Variants in BCL11B observed in about 807,000 individuals in gnomAD.
The protein encoded by BCL11B is B-cell lymphoma/leukemia 11B.
Under a neutral mutation model 49.9 loss-of-function variants are expected in BCL11B, and 8 were observed. That is an observed-to-expected ratio of 0.16 (90% CI 0.09 to 0.29). The LOEUF (loss-of-function observed/expected upper bound fraction) is 0.29, where lower values mean the gene tolerates loss of function less well. BCL11B is among the 10% of genes least tolerant of loss of function. The probability of loss-of-function intolerance (pLI) is 1.00; values close to 1 mark genes in which losing one functional copy is unlikely to be tolerated. For synonymous variants in BCL11B, 739 were observed against 637.4 expected (o/e 1.16, Z -2.40); for missense variants, 1,006 against 1,351.0 (o/e 0.74, Z 4.00).
intron 3 of BCL11B, among the ~76,000 whole-genome samples, chr14:99,214,242 A>G (rs1887766731): frequency 6.6e-6 from 1 of 152,094 alleles, no homozygotes. Flanking sequence ...ATGAGTGGCA[A>G]CTTCTACATA....
chr14:99,206,296 C>T (rs1221670524), intron 3 of BCL11B, among the ~76,000 whole-genome samples: 3 of 152,202 alleles, frequency 2.0e-5, no homozygotes, highest in South Asian at 2.1e-4. Context: ...TAATAGTCCA[C>T]GGGTACTCTT....
chr14:99,229,997 CAGG>C (rs1430937539), intron 3 of BCL11B, among the ~76,000 whole-genome samples: 1 of 152,212 alleles, frequency 6.6e-6, no homozygotes, highest in Non-Finnish European at 1.5e-5. Flanking sequence ...GACTCCTTCC[CAGG>C]AGATTTTGGG....
chr14:99,191,015 T>C (rs973532847), intron 3 of BCL11B, among the ~76,000 whole-genome samples: 4 of 152,160 alleles, frequency 2.6e-5, no homozygotes, highest in African/African-American at 9.7e-5. Flanking sequence ...AAGGAAGGCC[T>C]TTGATTCCAC....
Position 99,272,030 on chromosome 14 carries a change from GAGCGCTCCCC to G in BCL11B, c.-822_-813del, listed in dbSNP as rs1188426499. On this transcript the variant is annotated 5_prime_UTR_variant, in exon 1 of 4. Transcript: ENST00000357195. The surrounding 1 kb of genome is among the most constrained non-coding windows in gnomAD (Gnocchi z 6.0). ...GCCGGAGGGGCTGCCGAGTCCCCGC[GAGCGCTCCCC>G]AGCGCTCCCCTGGCGCCGCGGGCCC... Among the ~76,000 whole-genome samples, 2 of 152,038 alleles carry G rather than the reference GAGCGCTCCCC, an allele frequency of 1.3e-5. No individual in the cohort carries two copies. The highest frequency in any genetic ancestry group is 2.9e-5 in the Non-Finnish European group (2 of 67,974).
At chr14:99,203,148 G>A (rs1887435332) in intron 3 of BCL11B, among the ~76,000 whole-genome samples, 1 of 152,182 alleles carries the variant, frequency 6.6e-6, no homozygotes, top group Non-Finnish European at 1.5e-5. Flanking sequence ...TGGAAGGCAA[G>A]GGCTGCTCCA....
intron 3 of BCL11B, among the ~76,000 whole-genome samples, chr14:99,199,704 A>G (rs1251878932): frequency 9.6e-5 from 6 of 62,494 alleles, no homozygotes; most frequent in East Asian, 3.1e-4. Context: ...GCGCACGTGC[A>G]CGTGTGTGCG....
intron 3 of BCL11B, among the ~76,000 whole-genome samples, chr14:99,187,976 G>A (rs1422847801): frequency 6.6e-6 from 1 of 152,194 alleles, no homozygotes; most frequent in Non-Finnish European, 1.5e-5. Context: ...ACGTTATGGA[G>A]AGCCTCGATA....
chr14:99,231,453 G>A lies in BCL11B; in HGVS notation c.532C>T (p.Pro178Ser). 2 of 1,598,688 alleles carry A rather than the reference G, an allele frequency of 1.3e-6. No individual in the cohort carries two copies. Among genetic ancestry groups the A allele is most frequent in the Non-Finnish European group, 1.7e-6 (2 of 1,172,394 alleles). ...TSPLRALGAL[P>S]PCLPLPCCSA... ...CAGCACGGCAGGGGGAGGCAGGGCG[G>A]GAGAGCGCCCAGGGCACGCAGAGGT... The change falls in exon 3 of 4, where the codon CCG (proline) becomes TCG (serine). Residue 178 changes from proline to serine, a missense_variant. By Grantham distance (74) the Pro-to-Ser change is moderately conservative (BLOSUM62 -1). Coordinates refer to ENST00000357195, the MANE Select transcript of BCL11B (RefSeq NM_138576.4). The surrounding 1 kb of genome is among the most constrained non-coding windows in gnomAD (Gnocchi z 8.1).
Position 99,175,828 on chromosome 14 carries a change from C to T in BCL11B, c.1008G>A (p.Gly336=). Reference sequence around the variant, plus strand: ...AGGCACTGGGGTGCTGGGCGACGAGCCCCATCTCCTCGGCACTGAGGCGGT... The same window carrying T: ...AGGCACTGGGGTGCTGGGCGACGAGTCCCATCTCCTCGGCACTGAGGCGGT... ...DPHRLSAEEM[G]LVAQHPSAFD... is the part of the protein sequence containing the mutation. The change falls in exon 4 of 4, where the codon GGG becomes GGA. Residue 336 remains glycine, a synonymous_variant. Coordinates refer to ENST00000357195, the MANE Select transcript of BCL11B (RefSeq NM_138576.4). The T allele has an allele frequency of 1.4e-6, 2 of 1,476,190 alleles. No individual in the cohort carries two copies. Among genetic ancestry groups the T allele is most frequent in the East Asian group, 2.6e-5 (1 of 39,092 alleles). 91.4% of individuals were successfully genotyped at this position (1,476,190 alleles called of 1,614,324 possible). A position where few individuals can be genotyped will look rare whatever the true frequency, so the allele number is the denominator to read the frequency against.
chr14:99,199,298 C>T (rs1190246311), intron 3 of BCL11B, among the ~76,000 whole-genome samples: 1 of 152,176 alleles, frequency 6.6e-6, no homozygotes, highest in Non-Finnish European at 1.5e-5. Context: ...TTAATAAATA[C>T]CACTGAATTA....
At chr14:99,190,766 G>A (rs151005500) in intron 3 of BCL11B, among the ~76,000 whole-genome samples, 38 of 152,274 alleles carry the variant, frequency 2.5e-4, no homozygotes, top group African/African-American at 7.9e-4. Context: ...TCTAAAGCTC[G>A]GCATGGCAAA....
At chr14:99,244,758 T>C (rs1313172255) in intron 2 of BCL11B, among the ~76,000 whole-genome samples, 2 of 152,190 alleles carry the variant, frequency 1.3e-5, no homozygotes, top group Admixed American at 6.5e-5. Flanking sequence ...AAAGTTCGGG[T>C]TAGCTAAATC....
chr14:99,231,609 A>T lies in BCL11B; in HGVS notation c.428-52T>A. The T allele has an allele frequency of 2.1e-5, 26 of 1,259,360 alleles. No homozygotes were observed. Among genetic ancestry groups the T allele is most frequent in the East Asian group, 3.0e-5 (1 of 33,528 alleles). 78.0% of individuals were successfully genotyped at this position (1,259,360 alleles called of 1,614,324 possible). A position where few individuals can be genotyped will look rare whatever the true frequency, so the allele number is the denominator to read the frequency against. On this transcript the variant is annotated intron_variant, in intron 2 of 3. Coordinates refer to ENST00000357195, the MANE Select transcript of BCL11B (RefSeq NM_138576.4). The surrounding 1 kb of genome is among the most constrained non-coding windows in gnomAD (Gnocchi z 8.1). ...GGTCAGTCGGGCCCTGGACTGTGTG[A>T]GGGGCACGGGGTGGGACGGGGCTCG...
At chr14:99,178,848 C>T (rs1044696870) in intron 3 of BCL11B, among the ~76,000 whole-genome samples, 4 of 152,132 alleles carry the variant, frequency 2.6e-5, no homozygotes, top group East Asian at 1.9e-4. Context: ...CACAGCTTTC[C>T]GTCGCTTTAG....
rs1165634687 is a variant in BCL11B, at chr14:99,242,917, AT to A, written c.428-11361del. 6.6e-6 allele frequency among the ~76,000 whole-genome samples: 1 copy of A among 152,116 alleles called. No individual in the cohort carries two copies. The highest frequency in any genetic ancestry group is 1.9e-4 in the East Asian group (1 of 5,190). On this transcript the variant is annotated intron_variant, in intron 2 of 3. Coordinates refer to ENST00000357195, the MANE Select transcript of BCL11B (RefSeq NM_138576.4). The surrounding 1 kb of genome is among the most constrained non-coding windows in gnomAD (Gnocchi z 4.4). The stretch of plus-strand genomic sequence containing the variant: ...GTGTGCTCCATGGGGATAAGTGCCA[AT>A]TTTTGTTAGCTCTGAGAGGCGGTGA...
Position 99,271,188 on chromosome 14 carries a change from G to T in BCL11B, c.31C>A (p.His11Asn). 6.5e-7 allele frequency: 1 copy of T among 1,546,106 alleles called. No individual in the cohort carries two copies. The change falls in exon 1 of 4, where the codon CAC (histidine) becomes AAC (asparagine). Residue 11 changes from histidine (H) to asparagine (N), a missense_variant. Transcript: ENST00000357195. ...GTGATGAGCTCCCTCTGGGACAAGT[G>T]CTGCGGGTTGCCCTGTTTGCGGCGG... MSRRKQGNPQ[H>N]LSQRELITPE...
At position 99,170,111 on chromosome 14, in the gene BCL11B, T is replaced by C; in HGVS notation, c.*4040A>G. The C allele has an allele frequency of 4.4e-6, 1 of 226,914 alleles. No individual in the cohort carries two copies. Among genetic ancestry groups the C allele is most frequent in the South Asian group, 1.8e-4 (1 of 5,470 alleles). The allele number at this position is 226,914 out of a possible 1,614,324, so 14.1% of individuals were successfully genotyped here. ...GGCAATCTGGTAAGCTGGTGAGCACTGGCTAGCTGTTATGACTACAGGAAG... is the reference window on the plus strand; with the variant it reads ...GGCAATCTGGTAAGCTGGTGAGCACCGGCTAGCTGTTATGACTACAGGAAG... On this transcript the variant is annotated 3_prime_UTR_variant, in exon 4 of 4. Coordinates refer to ENST00000357195, the MANE Select transcript of BCL11B (RefSeq NM_138576.4).
At chr14:99,266,820 G>C (rs574763151) in intron 1 of BCL11B, among the ~76,000 whole-genome samples, 3 of 152,284 alleles carry the variant, frequency 2.0e-5, no homozygotes, top group Non-Finnish European at 4.4e-5. Context: ...GTTTATTTTG[G>C]AAAGTATTTT....
rs117455933 is a variant in BCL11B, at chr14:99,233,794, G to A, written c.428-2237C>T. On this transcript the variant is annotated intron_variant, in intron 2 of 3. Transcript: ENST00000357195. ...CTGCATAGGGGTCAGGGGGTAGGCCGCCCTGGACAGGTTTCCCCAGAGTCT... is the reference window on the plus strand; with the variant it reads ...CTGCATAGGGGTCAGGGGGTAGGCCACCCTGGACAGGTTTCCCCAGAGTCT... Among the ~76,000 whole-genome samples the A allele has an allele frequency of 5.0e-3, 768 of 152,276 alleles. 44 individuals carry two copies. In the East Asian group the frequency reaches 0.13, roughly 25 times the overall value.
Sources: gnomAD v4.1 joint callset for allele counts (sites outside exome capture counted in the v4.1 genomes callset) on GRCh38, gnomAD v4.1.1 for gene constraint, Gnocchi (gnomAD v3.1) non-coding constraint, MANE v1.5 for transcripts, NCBI Gene and HGNC (gene_info 2026-07-23, HGNC 2026-07-21) for gene names.